The following C12orf76 variants were observed in gnomAD, a reference collection of about 807,000 sequenced individuals.
C12orf76 encodes chromosome 12 open reading frame 76.
A neutral mutation model predicts 6.8 loss-of-function variants in C12orf76; 6 were observed. That is an observed-to-expected ratio of 0.88 (90% CI 0.48 to 1.73). C12orf76 has a LOEUF of 1.73. Among genes scored for constraint, C12orf76 ranks in the 40% most tolerant of loss-of-function variants. The pLI is 0.01. For synonymous variants in C12orf76, 56 were observed against 43.7 expected, an observed-to-expected ratio of 1.28 and a Z score of -1.11; for missense variants, 99 against 98.2, an observed-to-expected ratio of 1.01 and a Z score of -0.03.
intron 3 of C12orf76, among the ~76,000 whole-genome samples, chr12:110,058,466 C>A (rs1335113165): frequency 6.6e-6 from 1 of 152,152 alleles, no homozygotes; most frequent in Admixed American, 6.5e-5. Context: ...GAGTTCAAGA[C>A]CAGGCTGGCC....
At chr12:110,061,532 A>C (rs999985018) in intron 2 of C12orf76, among the ~76,000 whole-genome samples, 2 of 148,158 alleles carry the variant, frequency 1.3e-5, no homozygotes, top group South Asian at 2.1e-4. Flanking sequence ...TGCACACTGC[A>C]TACTTTTTTT....
At chr12:110,068,261 AG>A (rs1892906370), upstream of C12orf76, among the ~76,000 whole-genome samples, 11 of 100,118 alleles carry the variant, frequency 1.1e-4, no homozygotes, top group Middle Eastern at 5.6e-3. Flanking sequence ...AAGAAGAAGA[AG>A]AAGAAGAAGA....
intron 2 of C12orf76, among the ~76,000 whole-genome samples, chr12:110,064,323 G>A (rs1170649399): frequency 6.6e-6 from 1 of 152,192 alleles, no homozygotes; most frequent in Non-Finnish European, 1.5e-5. Flanking sequence ...AGGGAACCTG[G>A]GACATTCAGT....
At chr12:110,050,616 A>G (rs1325408452), upstream of C12orf76, 1 of 209,424 alleles carries the variant, frequency 4.8e-6, no homozygotes, top group South Asian at 8.2e-5. Flanking sequence ...ATGACAGTTT[A>G]CAAATGCCAT....
upstream of C12orf76, chr12:110,050,815 C>T (rs1468951918): frequency 3.4e-6 from 2 of 591,066 alleles, no homozygotes; most frequent in African/African-American, 2.2e-5. Context: ...TCACTTTGCA[C>T]TGTGGACTTG....
chr12:110,068,303 A>AGAAGAAGAAGAAGAAGAAGAG (rs1566080184), upstream of C12orf76, among the ~76,000 whole-genome samples: 17 of 145,912 alleles, frequency 1.2e-4, no homozygotes, highest in African/African-American at 3.7e-4. Flanking sequence ...AAGAAGAAGA[A>AGAAGAAGAAGAAGAAGAAGAG]GAAGAAGAAG....
intron 1 of C12orf76, among the ~76,000 whole-genome samples, chr12:110,046,430 AAAAT>A (rs1245587095): frequency 1.3e-5 from 2 of 152,348 alleles, no homozygotes; most frequent in East Asian, 1.9e-4. Context: ...CCATCTCAAA[AAAAT>A]AAATAAATAC....
At chr12:110,068,262 G>GAAGAAGAAGAAGAA (rs1566080069), upstream of C12orf76, among the ~76,000 whole-genome samples, 1 of 99,014 alleles carries the variant, frequency 1.0e-5, no homozygotes, top group African/African-American at 4.0e-5. Context: ...AGAAGAAGAA[G>GAAGAAGAAGAAGAA]AAGAAGAAGA....
upstream of C12orf76, chr12:110,049,223 A>G (rs1307288243): frequency 2.0e-5 from 3 of 152,362 alleles, no homozygotes; most frequent in Middle Eastern, 6.8e-3. Context: ...AAGAAACAAC[A>G]AGGAAGTGAA....
intron 1 of C12orf76, among the ~76,000 whole-genome samples, chr12:110,045,167 T>C (rs994508502): frequency 1.8e-4 from 27 of 152,206 alleles, no homozygotes; most frequent in African/African-American, 6.5e-4. Context: ...GTTAACTGAA[T>C]ACCTGCCCTA....
upstream of C12orf76, among the ~76,000 whole-genome samples, chr12:110,052,097 C>T (rs769969644): frequency 3.5e-4 from 52 of 149,294 alleles, no homozygotes; most frequent in Admixed American, 7.3e-4. Flanking sequence ...GGGGTTTCAC[C>T]GTATTGGCTA....
chr12:110,062,610 T>C (rs1892788879), intron 2 of C12orf76, among the ~76,000 whole-genome samples: 1 of 149,660 alleles, frequency 6.7e-6, no homozygotes, highest in Non-Finnish European at 1.5e-5. Flanking sequence ...GAGAAAAATA[T>C]AGAAAAAAAG....
chr12:110,045,918 C>G (rs1452648350), intron 1 of C12orf76: 2 of 210,900 alleles, frequency 9.5e-6, no homozygotes, highest in African/African-American at 4.7e-5. Flanking sequence ...AAGATCATGC[C>G]ATTGCACTCC....
upstream of C12orf76, among the ~76,000 whole-genome samples, chr12:110,052,416 C>T (rs1892594781): frequency 6.6e-6 from 1 of 152,026 alleles, no homozygotes; most frequent in Admixed American, 6.6e-5. Flanking sequence ...AGGCTGGTCT[C>T]AAACTCATGG....
intron 1 of C12orf76, chr12:110,045,887 C>T (rs1017205313): frequency 1.2e-4 from 22 of 177,750 alleles, no homozygotes; most frequent in African/African-American, 3.8e-4. Context: ...TGAACCTGGG[C>T]GGTGGAGGTT....
At chr12:110,058,838 AT>A in intron 3 of C12orf76, 1 of 850,564 alleles carries the variant, frequency 1.2e-6, no homozygotes, top group Non-Finnish European at 1.7e-6. Context: ...ATTATAAACA[AT>A]TTTTGGTAAC....
intron 2 of C12orf76, among the ~76,000 whole-genome samples, chr12:110,065,701 A>G (rs1243185079): frequency 6.6e-6 from 1 of 152,002 alleles, no homozygotes; most frequent in Non-Finnish European, 1.5e-5. Context: ...ACCACACTCT[A>G]TGCTCTGCAC....
At chr12:110,063,320 A>T (rs1489220612) in intron 2 of C12orf76, among the ~76,000 whole-genome samples, 1 of 151,620 alleles carries the variant, frequency 6.6e-6, no homozygotes. Flanking sequence ...TTTTGCTCTC[A>T]TCACCCAGGG....
chr12:110,052,941 G>A (rs1448674665), upstream of C12orf76, among the ~76,000 whole-genome samples: 2 of 152,212 alleles, frequency 1.3e-5, no homozygotes, highest in Non-Finnish European at 2.9e-5. Context: ...AGTGGCTCAC[G>A]CCTGTATTCC....
Sources: gnomAD v4.1 joint callset for allele counts (sites outside exome capture counted in the v4.1 genomes callset) on GRCh38, gnomAD v4.1.1 for gene constraint, MANE v1.5 for transcripts, NCBI Gene and HGNC (gene_info 2026-07-23, HGNC 2026-07-21) for gene names.